Variants in SYNE1 observed in about 807,000 individuals in gnomAD.
The protein encoded by SYNE1 is nesprin-1.
In SYNE1, 616 loss-of-function variants were observed where a neutral mutation model predicts 1,111.0. The ratio of observed to expected loss-of-function variants is 0.55; its 90% CI spans 0.52 to 0.59. The LOEUF is 0.59. Ranked by LOEUF, SYNE1 falls within the 20% of genes least tolerant of loss-of-function variation. SYNE1 has a pLI of 0.00. For synonymous variants in SYNE1, 3,855 were observed against 3,825.8 expected (o/e 1.01, Z -0.28); for missense variants, 10,006 against 10,417.0 (o/e 0.96, Z 1.72).
At chr6:152,234,278 G>C (rs1342365492) in intron 111 of SYNE1, among the ~76,000 whole-genome samples, 2 of 144,554 alleles carry the variant, frequency 1.4e-5, no homozygotes, top group Admixed American at 7.2e-5. Context: ...ACTGATGGTT[G>C]ACTTCCTTTC....
chr6:152,610,438 G>A (rs1489828269), intron 3 of SYNE1, among the ~76,000 whole-genome samples: 1 of 152,030 alleles, frequency 6.6e-6, no homozygotes, highest in African/African-American at 2.4e-5. Flanking sequence ...AGAAGACAAG[G>A]CTAGAGAAAA....
intron 8 of SYNE1, among the ~76,000 whole-genome samples, chr6:152,506,131 G>A (rs1594217853): frequency 1.3e-5 from 2 of 152,208 alleles, no homozygotes; most frequent in South Asian, 2.1e-4. Flanking sequence ...CTCAAAGCCA[G>A]TTATTAAGAA....
intron 2 of SYNE1, among the ~76,000 whole-genome samples, chr6:152,630,129 TA>T (rs543594194): frequency 0.011 from 1,530 of 138,306 alleles, 9 homozygotes; most frequent in African/African-American, 0.025. Flanking sequence ...GCCTATTATC[TA>T]AAAAAAAAAA....
At chr6:152,504,743 G>A (rs926086342) in intron 9 of SYNE1, among the ~76,000 whole-genome samples, 1 of 152,142 alleles carries the variant, frequency 6.6e-6, no homozygotes, top group Non-Finnish European at 1.5e-5. Flanking sequence ...ACCAAAAAAC[G>A]TGCCAAACAA....
At position 152,409,921 on chromosome 6, in the gene SYNE1, A is replaced by G. The variant is rs369229410; in HGVS notation, c.6231-212T>C. ...GAATGAGGTATGCACGCAACCACTG[A>G]AACAAAATCTATGAACTCAATGACC... On this transcript the variant is annotated intron_variant, in intron 42 of 145. Coordinates refer to ENST00000367255, the MANE Select transcript of SYNE1 (RefSeq NM_182961.4). Among the ~76,000 whole-genome samples the G allele has an allele frequency of 3.3e-5, 5 of 152,352 alleles. No homozygotes were observed. In the East Asian group the frequency reaches 5.8e-4, roughly 18 times the overall value.
At chr6:152,402,979 T>G (rs1270915382) in intron 46 of SYNE1, among the ~76,000 whole-genome samples, 1 of 152,142 alleles carries the variant, frequency 6.6e-6, no homozygotes, top group Non-Finnish European at 1.5e-5. Flanking sequence ...ACTTCTAGCA[T>G]TCCTGTGCAT....
intron 28 of SYNE1, among the ~76,000 whole-genome samples, 177 bp downstream of exon 28, chr6:152,449,356 T>C (rs2154248335): frequency 6.6e-6 from 1 of 152,276 alleles, no homozygotes; most frequent in South Asian, 2.1e-4. Flanking sequence ...CTACCAAGGA[T>C]TCAATAGGAA....
chr6:152,343,726 C>A (rs544311725), intron 74 of SYNE1, among the ~76,000 whole-genome samples: 2 of 151,672 alleles, frequency 1.3e-5, no homozygotes, highest in African/African-American at 2.4e-5. Flanking sequence ...CGTCACCATG[C>A]CCAGCTAATG....
chr6:152,427,575 G>C (rs1481487617), intron 38 of SYNE1, 118 bp downstream of exon 38: 1 of 1,256,304 alleles, frequency 8.0e-7, no homozygotes, highest in Admixed American at 1.9e-5. Context: ...GATGCTTCAG[G>C]AATCACAAAA....
intron 36 of SYNE1, 127 bp downstream of exon 36, chr6:152,429,985 T>C (rs1396616701): frequency 1.5e-6 from 1 of 689,148 alleles, no homozygotes; most frequent in Non-Finnish European, 2.6e-6. Context: ...ATCTATATAA[T>C]TACTCAACTA....
At chr6:152,256,120 A>T (rs1403544821) in intron 102 of SYNE1, among the ~76,000 whole-genome samples, 92 of 151,790 alleles carry the variant, frequency 6.1e-4, no homozygotes, top group Non-Finnish European at 1.5e-5. Flanking sequence ...AATAAAATAA[A>T]AAACAGGAAA....
chr6:152,165,490 A>G (rs1433253265), intron 130 of SYNE1, among the ~76,000 whole-genome samples: 5 of 152,206 alleles, frequency 3.3e-5, no homozygotes, highest in Non-Finnish European at 7.3e-5. Flanking sequence ...ATTGTAATTA[A>G]TAATTCTTCT....
chr6:152,472,234 G>T (rs1011475294), intron 15 of SYNE1, 67 bp downstream of exon 15: 18 of 1,351,548 alleles, frequency 1.3e-5, no homozygotes, highest in Non-Finnish European at 1.9e-5. Context: ...AAAAATAAAA[G>T]AAATATAAAA....
At chr6:152,378,790 A>G (rs944948178) in intron 56 of SYNE1, among the ~76,000 whole-genome samples, 1 of 152,122 alleles carries the variant, frequency 6.6e-6, no homozygotes, top group South Asian at 2.1e-4. Flanking sequence ...GATACACAGG[A>G]CCTTGCAGAC....
At position 152,293,631 on chromosome 6, in the gene SYNE1, G is replaced by C. The variant is rs200098925; in HGVS notation, c.17969C>G (p.Pro5990Arg). The C allele has an allele frequency of 6.2e-7, 1 of 1,614,076 alleles. No individual in the cohort carries two copies. The highest frequency in any genetic ancestry group is 8.5e-7 in the Non-Finnish European group (1 of 1,180,016). The change falls in exon 95 of 146, where the codon CCA (proline) becomes CGA (arginine). Residue 5990 changes from proline to arginine, a missense_variant. This residue lies in a region of SYNE1 where 4,955 missense variants were observed against 5,017.2 expected (regional missense o/e 0.99). Transcript: ENST00000367255. ...GCTTTCTGGACTCCTGCCAGGCTCT[G>C]GGCTCTCACTGAGTTTCAGCTCAAT... ...EAIELKLSES[P>R]EPGRSPESQM...
Position 152,455,428 on chromosome 6 carries a change from T to C in SYNE1, c.2890A>G (p.Thr964Ala), listed in dbSNP as rs2154257058. 6.2e-7 allele frequency: 1 copy of C among 1,613,826 alleles called. No individual in the cohort carries two copies. The highest frequency in any genetic ancestry group is 2.2e-5 in the East Asian group (1 of 44,856). The change falls in exon 24 of 146, where the codon ACT (threonine) becomes GCT (alanine). Residue 964 changes from threonine to alanine, a missense_variant and splice_region_variant. This residue lies in a region of SYNE1 where 1,971 missense variants were observed against 2,084.1 expected (regional missense o/e 0.95). Transcript: ENST00000367255. ...TGTCCCCTAAAGGGTGGACTCACAG[T>C]GTGTCTCCGCAGGAGCTCCTCTGGA... The part of the protein sequence containing the change: ...GDPEELLRRH[T>A]EFFSQLDQRV...
intron 112 of SYNE1, among the ~76,000 whole-genome samples, 170 bp downstream of exon 112, chr6:152,233,611 C>T (rs749131939): frequency 2.6e-5 from 4 of 152,178 alleles, no homozygotes; most frequent in Non-Finnish European, 5.9e-5. Flanking sequence ...AGGTGCGAGC[C>T]ACCGCGCCCG....
At chr6:152,476,136 T>C (rs1185228192) in intron 14 of SYNE1, among the ~76,000 whole-genome samples, 1 of 152,154 alleles carries the variant, frequency 6.6e-6, no homozygotes, top group Non-Finnish European at 1.5e-5. Flanking sequence ...AACATCCCTC[T>C]AGATGCCAAT....
intron 130 of SYNE1, among the ~76,000 whole-genome samples, chr6:152,165,112 G>T (rs964671062): frequency 1.4e-5 from 2 of 143,074 alleles, no homozygotes; most frequent in East Asian, 2.1e-4. Context: ...GGCATTTAAA[G>T]AAGTGATTCT....
Sources: gnomAD v4.1 joint callset for allele counts (sites outside exome capture counted in the v4.1 genomes callset) on GRCh38, gnomAD v4.1.1 for gene constraint, gnomAD v4.1.1 regional missense constraint, MANE v1.5 for transcripts, NCBI Gene and HGNC (gene_info 2026-07-23, HGNC 2026-07-21) for gene names.